The following BANP variants were observed in gnomAD, a reference collection of about 807,000 sequenced individuals.
The protein encoded by BANP is BTG3 associated nuclear protein, also known as protein BANP.
In BANP, 11 loss-of-function variants were observed where a neutral mutation model predicts 68.1. That is an observed-to-expected ratio of 0.16 (90% confidence interval 0.10 to 0.27). BANP has a LOEUF of 0.27. Among genes scored for constraint, BANP ranks in the 10% least tolerant of loss-of-function variants. The pLI is 1.00. For missense variants in BANP, 504 were observed against 722.7 expected (o/e 0.70, Z 3.47); for synonymous variants, 329 against 303.2 (o/e 1.09, Z -0.88).
chr16:88,049,802 C>T (rs1362755015), intron 11 of BANP, among the ~76,000 whole-genome samples: 3 of 152,186 alleles, frequency 2.0e-5, no homozygotes, highest in South Asian at 2.1e-4. Context: ...AGTGACACGA[C>T]GCCCCAGCCA....
At chr16:88,050,425 G>A (rs1464078436) in intron 11 of BANP, among the ~76,000 whole-genome samples, 4 of 152,122 alleles carry the variant, frequency 2.6e-5, no homozygotes, top group East Asian at 3.9e-4. Context: ...CAGGGTGCTC[G>A]GGTTACAGGC....
intron 2 of BANP, among the ~76,000 whole-genome samples, chr16:87,977,807 A>G (rs2062464754): frequency 6.6e-6 from 1 of 151,730 alleles, no homozygotes; most frequent in African/African-American, 2.4e-5. Context: ...TGTGACTTGC[A>G]TCAGGCCTGT....
chr16:87,965,066 G>T (rs74921315), intron 1 of BANP, among the ~76,000 whole-genome samples: 1,823 of 152,296 alleles, frequency 0.012, 13 homozygotes, highest in Middle Eastern at 0.02. Flanking sequence ...CTGATGAGCC[G>T]CTGGGTCAGT....
At chr16:88,056,467 T>G (rs921772221) in intron 11 of BANP, among the ~76,000 whole-genome samples, 2 of 152,060 alleles carry the variant, frequency 1.3e-5, no homozygotes, top group Non-Finnish European at 2.9e-5. Flanking sequence ...CTCTCTTTTT[T>G]TTTTTTTTTA....
Position 88,069,214 on chromosome 16 carries a change from C to T in BANP, c.1378-2855C>T, listed in dbSNP as rs1049970236. On this transcript the variant is annotated intron_variant, in intron 12 of 13. Transcript: ENST00000682872. ...AGCTGTGCCGGCAGCTCCTCCTCCT[C>T]GGTGCAGCAACTCCTCTCCGAGTTT... Among the ~76,000 whole-genome samples the T allele has an allele frequency of 2.6e-5, 4 of 152,234 alleles. No homozygotes were observed. The East Asian group carries it at 5.8e-4, about 22-fold the overall frequency.
intron 6 of BANP, among the ~76,000 whole-genome samples, chr16:88,012,782 GGAGA>G (rs146218656): frequency 6.6e-6 from 1 of 152,146 alleles, no homozygotes; most frequent in African/African-American, 2.4e-5. Flanking sequence ...AATGAAAGTA[GGAGA>G]GAGAGGGATC....
intron 13 of BANP, among the ~76,000 whole-genome samples, chr16:88,075,063 G>C (rs947513840): frequency 1.3e-5 from 2 of 152,034 alleles, no homozygotes; most frequent in African/African-American, 4.8e-5. Context: ...AAATTAGCTG[G>C]GGCCGGGCAC....
intron 4 of BANP, among the ~76,000 whole-genome samples, chr16:87,998,772 C>G (rs1463268077): frequency 4.1e-5 from 6 of 146,394 alleles, no homozygotes; most frequent in African/African-American, 1.5e-4. Flanking sequence ...AGACACGTCT[C>G]CATGCACGCA....
At chr16:88,060,131 G>T (rs941240751) in intron 11 of BANP, among the ~76,000 whole-genome samples, 1 of 152,266 alleles carries the variant, frequency 6.6e-6, no homozygotes, top group South Asian at 2.1e-4. Context: ...TGTGAGAAGT[G>T]TGCAAAGGTG....
At position 88,016,722 on chromosome 16, in the gene BANP, G is replaced by A. The variant is rs866008647; in HGVS notation, c.656-1706G>A. On this transcript the variant is annotated intron_variant, in intron 6 of 13. Transcript: ENST00000682872. ...ATTAGCCTTGAGGTCACGTGTTTCCGTTTTGCTCCTCATATACAGGTGGAA... is the reference window on the plus strand; with the variant it reads ...ATTAGCCTTGAGGTCACGTGTTTCCATTTTGCTCCTCATATACAGGTGGAA... Among the ~76,000 whole-genome samples, 10 of 152,312 alleles carry A rather than the reference G, an allele frequency of 6.6e-5. No homozygotes were observed. The South Asian group carries it at 1.2e-3, about 19-fold the overall frequency.
chr16:87,957,643 A>G lies in BANP; in HGVS notation c.-69+6128A>G, dbSNP rs2058353315. On this transcript the variant is annotated intron_variant, in intron 1 of 13. Coordinates refer to ENST00000682872, the MANE Select transcript of BANP (RefSeq NM_001386991.1). This position sits in a 1 kb window ranked among gnomAD's most constrained non-coding sequence, Gnocchi z 4.3. ...TTCCCTTGAGATGAAAAGTCATCAA[A>G]TATCTGGAAGCAAAGCTTAATCTTT... is the stretch of plus-strand genomic sequence containing the variant. Among the ~76,000 whole-genome samples, 1 of 152,266 alleles carries G rather than the reference A, an allele frequency of 6.6e-6. No individual in the cohort carries two copies. The highest frequency in any genetic ancestry group is 1.5e-5 in the Non-Finnish European group (1 of 68,052).
chr16:88,064,319 CCCTGTGGTCA>C lies in BANP; in HGVS notation c.1312-937_1312-928del, dbSNP rs1268287249. On this transcript the variant is annotated intron_variant, in intron 11 of 13. Coordinates refer to ENST00000682872, the MANE Select transcript of BANP (RefSeq NM_001386991.1). This position sits in a 1 kb window ranked among gnomAD's most constrained non-coding sequence, Gnocchi z 4.5. ...ACCCTGTGCGTCCCTTGCACCCTTG[CCCTGTGGTCA>C]CCTGTGGTCAGGGACAGTGGGTTCC... 1.2e-4 allele frequency among the ~76,000 whole-genome samples: 18 copies of C among 152,188 alleles called. No individual in the cohort carries two copies. Among genetic ancestry groups the C allele is most frequent in the African/African-American group, 4.1e-4 (17 of 41,434 alleles).
intron 11 of BANP, among the ~76,000 whole-genome samples, chr16:88,038,304 G>A (rs2079904053): frequency 6.6e-6 from 1 of 152,196 alleles, no homozygotes; most frequent in Non-Finnish European, 1.5e-5. Context: ...GCGGGAGGGA[G>A]CGAGGGTGCA....
chr16:88,076,862 G>T lies in BANP; in HGVS notation c.*201G>T. On this transcript the variant is annotated 3_prime_UTR_variant, in exon 14 of 14. Coordinates refer to ENST00000682872, the MANE Select transcript of BANP (RefSeq NM_001386991.1). Reference sequence around the variant, plus strand: ...CCGCCCCCAGCCGGAGACCCCTTTCGTTTGAGTCCTGCTGTTGGTGTCGGA... The same window carrying T: ...CCGCCCCCAGCCGGAGACCCCTTTCTTTTGAGTCCTGCTGTTGGTGTCGGA... 1.8e-6 allele frequency: 1 copy of T among 571,420 alleles called. No homozygotes were observed. Among genetic ancestry groups the T allele is most frequent in the Non-Finnish European group, 3.1e-6 (1 of 324,466 alleles). 35.4% of individuals were successfully genotyped at this position (571,420 alleles called of 1,614,324 possible).
chr16:88,043,834 A>G (rs2152795120), intron 11 of BANP, among the ~76,000 whole-genome samples: 1 of 152,334 alleles, frequency 6.6e-6, no homozygotes, highest in African/African-American at 2.4e-5. Flanking sequence ...AGTGGTAAGG[A>G]TAATAGAATC....
intron 11 of BANP, among the ~76,000 whole-genome samples, 160 bp downstream of exon 11, chr16:88,038,171 T>G (rs1405840441): frequency 6.9e-6 from 1 of 145,722 alleles, no homozygotes; most frequent in Non-Finnish European, 1.5e-5. Context: ...GGTGGGACGG[T>G]CATTGTGGGC....
intron 4 of BANP, among the ~76,000 whole-genome samples, chr16:87,988,646 G>C (rs372326555): frequency 2.0e-5 from 3 of 152,152 alleles, no homozygotes; most frequent in African/African-American, 2.4e-5. Flanking sequence ...TGTTAAAATA[G>C]CCCGGGGTTC....
At chr16:88,076,533 C>T (rs1347069726) in intron 13 of BANP, 57 bp from the exon 14 acceptor site, 4 of 1,492,504 alleles carry the variant, frequency 2.7e-6, no homozygotes, top group African/African-American at 1.4e-5. Context: ...ATGACACCCC[C>T]TGGCCATGCA....
At chr16:87,962,887 T>G (rs1280312759) in intron 1 of BANP, among the ~76,000 whole-genome samples, 1 of 152,258 alleles carries the variant, frequency 6.6e-6, no homozygotes, top group Non-Finnish European at 1.5e-5. Context: ...TGAGACTTCT[T>G]CACATGTCTC....
Sources: gnomAD v4.1 joint callset for allele counts (sites outside exome capture counted in the v4.1 genomes callset) on GRCh38, gnomAD v4.1.1 for gene constraint, Gnocchi (gnomAD v3.1) non-coding constraint, MANE v1.5 for transcripts, NCBI Gene and HGNC (gene_info 2026-07-23, HGNC 2026-07-21) for gene names.